SHC4: variants seen among roughly 807,000 people sequenced by gnomAD.
The protein encoded by SHC4 is SHC adaptor protein 4, also known as SHC-transforming protein 4.
SHC4 carries 41 observed loss-of-function variants against 69.4 expected under a neutral mutation model. That is an observed-to-expected ratio of 0.59 (90% CI 0.46 to 0.77). SHC4 has a LOEUF of 0.77. Among genes scored for constraint, SHC4 ranks in the 30% least tolerant of loss-of-function variants. SHC4 has a pLI of 0.00. For missense variants in SHC4, 777 were observed against 783.8 expected (o/e 0.99, Z 0.10); for synonymous variants, 318 against 299.3 (o/e 1.06, Z -0.64).
chr15:48,938,719 G>A (rs1263815834), intron 1 of SHC4, among the ~76,000 whole-genome samples: 10 of 152,148 alleles, frequency 6.6e-5, no homozygotes, highest in African/African-American at 1.7e-4. Flanking sequence ...CAATGTGCTC[G>A]GACCATGACA....
intron 1 of SHC4, among the ~76,000 whole-genome samples, chr15:48,926,503 C>T (rs1208232648): frequency 2.0e-5 from 3 of 151,684 alleles, no homozygotes; most frequent in African/African-American, 7.3e-5. Context: ...CACTCTGTCA[C>T]CCAGGCTGGT....
intron 4 of SHC4, chr15:48,879,610 T>C (rs1899900615): frequency 6.0e-6 from 1 of 167,084 alleles, no homozygotes; most frequent in African/African-American, 2.4e-5. Context: ...GTAAGAACTG[T>C]TAATAAAAGT....
At chr15:48,941,030 C>T (rs1286832543) in intron 1 of SHC4, among the ~76,000 whole-genome samples, 1 of 152,130 alleles carries the variant, frequency 6.6e-6, no homozygotes, top group African/African-American at 2.4e-5. Flanking sequence ...TAAAAGCACA[C>T]CAGGGCTCGA....
intron 1 of SHC4, among the ~76,000 whole-genome samples, chr15:48,932,446 T>G (rs536202346): frequency 1.3e-4 from 20 of 152,310 alleles, no homozygotes; most frequent in African/African-American, 4.8e-4. Context: ...TTTCTTAGAA[T>G]GATGTACAGG....
In SHC4 at chr15:48,963,029, C is replaced by A; in HGVS notation, c.-14G>T. On this transcript the variant is annotated 5_prime_UTR_variant, in exon 1 of 12. Transcript: ENST00000332408. ...GCGTTCTCGCATAGCCTTGGCAGTG[C>A]TGAAACAGGATACTGTTGCATAAAT... 1 of 1,591,346 alleles carries A rather than the reference C, an allele frequency of 6.3e-7. No homozygotes were observed. The highest frequency in any genetic ancestry group is 8.6e-7 in the Non-Finnish European group (1 of 1,167,850).
At chr15:48,895,746 A>G (rs7162528) in intron 2 of SHC4, among the ~76,000 whole-genome samples, 1,527 of 152,310 alleles carry the variant, frequency 0.01, 26 homozygotes, top group African/African-American at 0.035. Context: ...ACTCTGCTCA[A>G]AAGAAAAAAA....
chr15:48,871,870 A>C (rs901579050), intron 5 of SHC4: 19 of 438,076 alleles, frequency 4.3e-5, no homozygotes, highest in Non-Finnish European at 2.0e-5. Flanking sequence ...CTACTAATCC[A>C]AGTATTTTAA....
intron 4 of SHC4, among the ~76,000 whole-genome samples, chr15:48,881,167 A>G (rs1223797335): frequency 1.3e-5 from 2 of 152,092 alleles, no homozygotes; most frequent in African/African-American, 2.4e-5. Flanking sequence ...GTTCGCTTAG[A>G]TCAGATATCC....
chr15:48,962,038 C>A (rs767619738), intron 1 of SHC4, among the ~76,000 whole-genome samples: 5 of 152,238 alleles, frequency 3.3e-5, no homozygotes, highest in Non-Finnish European at 7.3e-5. Flanking sequence ...ATCCAAAATA[C>A]AATGGCCAGT....
At chr15:48,879,609 G>A (rs1899900566) in intron 4 of SHC4, 1 of 167,010 alleles carries the variant, frequency 6.0e-6, no homozygotes, top group African/African-American at 2.4e-5. Flanking sequence ...TGTAAGAACT[G>A]TTAATAAAAG....
intron 6 of SHC4, among the ~76,000 whole-genome samples, chr15:48,865,431 A>G (rs571710832): frequency 6.6e-6 from 1 of 152,306 alleles, no homozygotes; most frequent in South Asian, 2.1e-4. Context: ...AAACTACCCT[A>G]TGTTACTAAG....
chr15:48,892,862 T>A (rs199661828), intron 2 of SHC4, among the ~76,000 whole-genome samples: 2 of 77,648 alleles, frequency 2.6e-5, no homozygotes, highest in African/African-American at 1.2e-4. Context: ...AAACTCCGTC[T>A]CAAAAAAAAA....
At chr15:48,908,227 T>A (rs1380941447) in intron 2 of SHC4, among the ~76,000 whole-genome samples, 1 of 152,200 alleles carries the variant, frequency 6.6e-6, no homozygotes, top group Non-Finnish European at 1.5e-5. Context: ...TTTGATTTTT[T>A]GATTATGGCC....
intron 1 of SHC4, among the ~76,000 whole-genome samples, chr15:48,946,767 C>T (rs1354607384): frequency 6.6e-6 from 1 of 152,208 alleles, no homozygotes; most frequent in African/African-American, 2.4e-5. Flanking sequence ...GCCTTTATTT[C>T]ACAGAACTTT....
At chr15:48,891,579 T>C (rs568651735) in intron 2 of SHC4, among the ~76,000 whole-genome samples, 5 of 152,348 alleles carry the variant, frequency 3.3e-5, no homozygotes, top group Non-Finnish European at 7.3e-5. Flanking sequence ...GCTTTCACTC[T>C]GTGTAATTTG....
intron 1 of SHC4, among the ~76,000 whole-genome samples, chr15:48,949,646 C>T: frequency 6.6e-6 from 1 of 151,974 alleles, no homozygotes; most frequent in Non-Finnish European, 1.5e-5. Flanking sequence ...CGAATCTCAG[C>T]ATTATTACCC....
intron 2 of SHC4, among the ~76,000 whole-genome samples, chr15:48,901,163 G>A (rs1900312599): frequency 6.6e-6 from 1 of 152,116 alleles, no homozygotes; most frequent in South Asian, 2.1e-4. Flanking sequence ...ACCATTCTTG[G>A]CTGACAAGGT....
At chr15:48,882,385 C>CT (rs952934185) in intron 4 of SHC4, among the ~76,000 whole-genome samples, 13 of 152,172 alleles carry the variant, frequency 8.5e-5, no homozygotes, top group African/African-American at 3.1e-4. Flanking sequence ...TCCATGCCAC[C>CT]AGTGCAGAAA....
intron 11 of SHC4, 39 bp downstream of exon 11, chr15:48,834,730 C>G: frequency 6.2e-7 from 1 of 1,607,412 alleles, no homozygotes; most frequent in South Asian, 1.1e-5. Flanking sequence ...CTTAATAGAA[C>G]AACATCCTGT....
Sources: gnomAD v4.1 joint callset for allele counts (sites outside exome capture counted in the v4.1 genomes callset) on GRCh38, gnomAD v4.1.1 for gene constraint, MANE v1.5 for transcripts, NCBI Gene and HGNC (gene_info 2026-07-23, HGNC 2026-07-21) for gene names.